The following DYNC2H1 variants were observed in gnomAD, a reference collection of about 807,000 sequenced individuals.
The protein encoded by DYNC2H1 is cytoplasmic dynein 2 heavy chain 1.
A neutral mutation model predicts 570.0 loss-of-function variants in DYNC2H1; 410 were observed. That is an observed-to-expected ratio of 0.72 (90% CI 0.66 to 0.78). The LOEUF (loss-of-function observed/expected upper bound fraction) is 0.78, where lower values mean the gene tolerates loss of function less well. Ranked by LOEUF, DYNC2H1 falls within the 30% of genes least tolerant of loss-of-function variation. The pLI, the probability that DYNC2H1 is intolerant of heterozygous loss-of-function variation, is 0.00. For missense variants in DYNC2H1, 4,865 were observed against 5,046.4 expected (o/e 0.96, Z 1.09); for synonymous variants, 1,688 against 1,677.6 (o/e 1.01, Z -0.15).
intron 17 of DYNC2H1, among the ~76,000 whole-genome samples, chr11:103,139,469 G>C (rs1230026821): frequency 6.6e-6 from 1 of 152,062 alleles, no homozygotes; most frequent in Non-Finnish European, 1.5e-5. Context: ...ATTTCGTTAT[G>C]TACCCCAGTA....
At chr11:103,117,055 T>C (rs1858436527) in intron 5 of DYNC2H1, among the ~76,000 whole-genome samples, 1 of 150,414 alleles carries the variant, frequency 6.6e-6, no homozygotes, top group Non-Finnish European at 1.5e-5. Context: ...TGTCATTATT[T>C]TATAAGGAAA....
chr11:103,152,109 A>ATTTG, intron 20 of DYNC2H1, 27 bp from the exon 21 acceptor site: 3 of 1,155,346 alleles, frequency 2.6e-6, no homozygotes, highest in Non-Finnish European at 3.5e-6. Context: ...TTGTTATTCA[A>ATTTG]TTTGTTTTTT....
intron 75 of DYNC2H1, among the ~76,000 whole-genome samples, chr11:103,302,201 G>T (rs182715659): frequency 1.3e-5 from 2 of 152,114 alleles, no homozygotes; most frequent in East Asian, 3.9e-4. Flanking sequence ...GGTGGCAGCT[G>T]GGTGCCCTTT....
rs564986082 is a variant in DYNC2H1 at position 103,122,852 on chromosome 11, G to A, written c.1513G>A (p.Ala505Thr). 2 of 1,612,900 alleles carry A rather than the reference G, an allele frequency of 1.2e-6. No homozygotes were observed. Among genetic ancestry groups the A allele is most frequent in the Non-Finnish European group, 1.7e-6 (2 of 1,179,434 alleles). Residue 505 changes from alanine to threonine, a missense_variant, in exon 11 of 89, where the codon GCT (alanine) becomes ACT (threonine). Around this residue, in one of 5 missense-constraint regions of DYNC2H1, gnomAD observed 1,936 missense variants for 1,962.1 expected, o/e 0.99. Transcript: ENST00000375735. Reference protein sequence around the residue: ...KVDDTIKIAEALLSDLPGFRC... With the variant: ...KVDDTIKIAETLLSDLPGFRC... ...AGATGATACTATCAAGATTGCAGAGGCTCTTTTATCTGACTTGCCAGGATT... is the reference window on the plus strand; with the variant it reads ...AGATGATACTATCAAGATTGCAGAGACTCTTTTATCTGACTTGCCAGGATT...
rs1398506627 is a variant in DYNC2H1 at position 103,305,563 on chromosome 11, T to C, written c.11382+843T>C. 6.6e-6 allele frequency among the ~76,000 whole-genome samples: 1 copy of C among 152,096 alleles called. No homozygotes were observed. The highest frequency in any genetic ancestry group is 1.5e-5 in the Non-Finnish European group (1 of 68,004). ...AGGAGGTCCTTAACAGAGAAGTTAGTAATTAATTAATTAATTAATTTTTTC... is the reference window on the plus strand; with the variant it reads ...AGGAGGTCCTTAACAGAGAAGTTAGCAATTAATTAATTAATTAATTTTTTC... On this transcript the variant is annotated intron_variant, in intron 77 of 88. Transcript: ENST00000375735. This position sits in a 1 kb window ranked among gnomAD's most constrained non-coding sequence, Gnocchi z 4.3.
chr11:103,262,749 A>C (rs1865351673), intron 70 of DYNC2H1, among the ~76,000 whole-genome samples: 1 of 152,120 alleles, frequency 6.6e-6, no homozygotes, highest in Non-Finnish European at 1.5e-5. Context: ...GCAAAAACAT[A>C]CCAAATTGTA....
intron 83 of DYNC2H1, among the ~76,000 whole-genome samples, chr11:103,394,125 C>T (rs532093989): frequency 1.2e-4 from 19 of 152,166 alleles, no homozygotes; most frequent in Non-Finnish European, 5.9e-5. Flanking sequence ...AGCTCTTCAA[C>T]ACTTCTGATT....
Position 103,177,594 on chromosome 11 carries a change from G to A in DYNC2H1, c.5913G>A (p.Gln1971=), listed in dbSNP as rs375160131. 62 of 1,612,878 alleles carry A rather than the reference G, an allele frequency of 3.8e-5. No individual in the cohort carries two copies. The highest frequency in any genetic ancestry group is 6.7e-5 in the African/African-American group (5 of 74,858). ...TAGAATTGTATGAACAGTTATGCCA[G>A]AGGATGGGAGTTGTTATTGTTGGTC... ...KALELYEQLC[Q]RMGVVIVGPS... The change falls in exon 38 of 89, where the codon CAG becomes CAA. Residue 1971 remains glutamine, a synonymous_variant. Coordinates refer to ENST00000375735, the MANE Select transcript of DYNC2H1 (RefSeq NM_001377.3). This position sits in a 1 kb window ranked among gnomAD's most constrained non-coding sequence, Gnocchi z 4.4.
chr11:103,308,396 A>G (rs1867403856), intron 78 of DYNC2H1, among the ~76,000 whole-genome samples: 1 of 152,204 alleles, frequency 6.6e-6, no homozygotes, highest in Non-Finnish European at 1.5e-5. Context: ...TTCTTTATCC[A>G]TTAATCCATC....
At position 103,414,621 on chromosome 11, in the gene DYNC2H1, A is replaced by C. The variant is rs990953730; in HGVS notation, c.12366+14749A>C. Reference sequence around the variant, plus strand: ...CTGTTTGCAGGTGACATGGTTGTAGATTTAGAAAACCCCATCATCTCAGCC... The same window carrying C: ...CTGTTTGCAGGTGACATGGTTGTAGCTTTAGAAAACCCCATCATCTCAGCC... On this transcript the variant is annotated intron_variant, in intron 84 of 88. Coordinates refer to ENST00000375735, the MANE Select transcript of DYNC2H1 (RefSeq NM_001377.3). Among the ~76,000 whole-genome samples the C allele has an allele frequency of 3.3e-5, 5 of 152,290 alleles. No individual in the cohort carries two copies. The East Asian group carries it at 5.8e-4, about 18-fold the overall frequency.
chr11:103,290,937 A>G (rs748653712), intron 75 of DYNC2H1, among the ~76,000 whole-genome samples: 1 of 152,178 alleles, frequency 6.6e-6, no homozygotes, highest in Non-Finnish European at 1.5e-5. Context: ...TACTCAATTT[A>G]GGTTACATAT....
At chr11:103,220,498 T>G in intron 56 of DYNC2H1, 125 bp from the exon 57 acceptor site, 1 of 952,188 alleles carries the variant, frequency 1.1e-6, no homozygotes, top group Non-Finnish European at 1.5e-6. Context: ...TTTGATATTT[T>G]AAGAGAGAGA....
Position 103,116,729 on chromosome 11 carries a change from A to G in DYNC2H1, c.766+15A>G. 1 of 1,570,050 alleles carries G rather than the reference A, an allele frequency of 6.4e-7. No individual in the cohort carries two copies. The highest frequency in any genetic ancestry group is 8.6e-7 in the Non-Finnish European group (1 of 1,160,986). On this transcript the variant is annotated intron_variant, in intron 5 of 88. Transcript: ENST00000375735. ...AGACATCATAGGTACTAGTAAAAAA[A>G]TGAACTTTTGGAATTTTGAAAACCT...
intron 79 of DYNC2H1, among the ~76,000 whole-genome samples, chr11:103,314,486 T>A (rs576503675): frequency 3.4e-4 from 51 of 152,188 alleles, no homozygotes; most frequent in African/African-American, 1.2e-3. Context: ...TATAAAAAAA[T>A]GTTGCAATGG....
intron 16 of DYNC2H1, 29 bp downstream of exon 16, chr11:103,135,663 T>A: frequency 1.2e-6 from 2 of 1,608,752 alleles, no homozygotes; most frequent in Non-Finnish European, 1.7e-6. Context: ...CCCAATTTAA[T>A]GTTCATTGTA....
At chr11:103,345,966 G>A (rs1025451843) in intron 82 of DYNC2H1, among the ~76,000 whole-genome samples, 3 of 152,094 alleles carry the variant, frequency 2.0e-5, no homozygotes, top group South Asian at 2.1e-4. Flanking sequence ...GTATTTCTAT[G>A]TGCTAGCTAC....
chr11:103,159,334 AT>A (rs1860980278), intron 28 of DYNC2H1, among the ~76,000 whole-genome samples: 2 of 152,170 alleles, frequency 1.3e-5, no homozygotes, highest in Admixed American at 1.3e-4. Flanking sequence ...TGAAGAATGT[AT>A]AGGCCTTAGT....
chr11:103,203,524 G>A lies in DYNC2H1; in HGVS notation c.8198-139G>A. 1.7e-6 allele frequency: 1 copy of A among 586,736 alleles called. No homozygotes were observed. The highest frequency in any genetic ancestry group is 2.9e-5 in the East Asian group (1 of 34,542). The allele number at this position is 586,736 out of a possible 1,614,324, so 36.3% of individuals were successfully genotyped here. A position where few individuals can be genotyped will look rare whatever the true frequency, so the allele number is the denominator to read the frequency against. On this transcript the variant is annotated intron_variant, in intron 50 of 88. Transcript: ENST00000375735. This position sits in a 1 kb window ranked among gnomAD's most constrained non-coding sequence, Gnocchi z 4.7. Reference sequence around the variant, plus strand: ...TTATCAAATGAGGGCTATAGATAAAGATTTGTGAGTCAAGTAGAGGTAATA... The same window carrying A: ...TTATCAAATGAGGGCTATAGATAAAAATTTGTGAGTCAAGTAGAGGTAATA...
chr11:103,132,106 T>C (rs1432251180), intron 13 of DYNC2H1, among the ~76,000 whole-genome samples: 1 of 152,122 alleles, frequency 6.6e-6, no homozygotes, highest in East Asian at 1.9e-4. Flanking sequence ...CATGTATGTA[T>C]ATATATACAA....
Sources: allele counts gnomAD v4.1 joint callset (sites outside exome capture counted in the v4.1 genomes callset), GRCh38; gene constraint gnomAD v4.1.1; regional missense constraint gnomAD v4.1.1; non-coding constraint Gnocchi (gnomAD v3.1); transcripts MANE v1.5; gene names NCBI Gene and HGNC (gene_info 2026-07-23, HGNC 2026-07-21).